NPFFR1: variants seen among roughly 807,000 people sequenced by gnomAD.
The protein encoded by NPFFR1 is G-protein coupled receptor 147.
NPFFR1 carries 17 observed loss-of-function variants against 12.7 expected under a neutral mutation model. The observed-to-expected ratio is 1.34, with a 90% CI of 0.92 to 2.01. NPFFR1 has a LOEUF of 2.01. NPFFR1 is among the 30% of genes most tolerant of loss of function. NPFFR1 has a pLI of 0.00. For synonymous variants in NPFFR1, 296 were observed against 264.5 expected (o/e 1.12, Z -1.16); for missense variants, 604 against 606.5 (o/e 1.00, Z 0.04).
At chr10:70,268,312 C>A (rs1190986788) in intron 1 of NPFFR1, among the ~76,000 whole-genome samples, 1 of 152,152 alleles carries the variant, frequency 6.6e-6, no homozygotes, top group East Asian at 1.9e-4. Context: ...TCAAACCTAA[C>A]AAAATTAACA....
intron 1 of NPFFR1, among the ~76,000 whole-genome samples, chr10:70,275,263 G>A (rs1409846949): frequency 3.3e-5 from 5 of 152,140 alleles, no homozygotes; most frequent in Admixed American, 3.3e-4. Context: ...ATCAAAAATT[G>A]TATTCAGAAA....
intron 1 of NPFFR1, among the ~76,000 whole-genome samples, chr10:70,273,048 C>T (rs1840765910): frequency 6.6e-6 from 1 of 152,160 alleles, no homozygotes; most frequent in African/African-American, 2.4e-5. Flanking sequence ...TGCATTTAAC[C>T]TTTCTAATCA....
At chr10:70,258,243 G>A (rs1210504874) in intron 3 of NPFFR1, among the ~76,000 whole-genome samples, 1 of 151,776 alleles carries the variant, frequency 6.6e-6, no homozygotes, top group East Asian at 1.9e-4. Context: ...GGCTGAGACT[G>A]CAGTGAGCCA....
At chr10:70,261,477 GA>G (rs1564594330) in intron 2 of NPFFR1, among the ~76,000 whole-genome samples, 3 of 152,014 alleles carry the variant, frequency 2.0e-5, no homozygotes, top group South Asian at 2.1e-4. Context: ...GCATTTAGTT[GA>G]AAAAAACCCT....
intron 1 of NPFFR1, 76 bp downstream of exon 1, chr10:70,283,594 T>C (rs1481828971): frequency 7.2e-7 from 1 of 1,393,148 alleles, no homozygotes; most frequent in African/African-American, 1.4e-5. Context: ...TGCCCGGCCC[T>C]CTCCTCTCCC....
rs766276183 is a variant in NPFFR1, at chr10:70,255,621, T to G, written c.629A>C (p.Lys210Thr). Residue 210 changes from lysine to threonine, a missense_variant, in exon 4 of 4, where the codon AAG becomes ACG. By Grantham distance (78) the Lys-to-Thr change is moderately conservative. Coordinates refer to ENST00000277942, the MANE Select transcript of NPFFR1 (RefSeq NM_022146.5). This position sits in a 1 kb window ranked among gnomAD's most constrained non-coding sequence, Gnocchi z 4.2. Reference sequence around the variant, plus strand: ...AGTGGTGTAGACCCTGCGCATGCCCTTCTCGGGCCAGGCCTCCCAGCAGGA... The same window carrying G: ...AGTGGTGTAGACCCTGCGCATGCCCGTCTCGGGCCAGGCCTCCCAGCAGGA... ...LYSCWEAWPE[K>T]GMRRVYTTVL... 6.4e-7 allele frequency: 1 copy of G among 1,574,152 alleles called. No individual in the cohort carries two copies. The highest frequency in any genetic ancestry group is 1.9e-5 in the Admixed American group (1 of 53,938).
rs547434922 is a variant in NPFFR1, at chr10:70,266,395, G to A, written c.8-4C>T. 1.4e-5 allele frequency: 23 copies of A among 1,607,592 alleles called. No homozygotes were observed. Among genetic ancestry groups the A allele is most frequent in the Non-Finnish European group, 2.0e-5 (23 of 1,176,598 alleles). ...TTGGGAGGCTGGGAGGGCTCCCCTA[G>A]GACCAAAGGAATATATTGGTCAGGA... On this transcript the variant is annotated splice_region_variant and splice_polypyrimidine_tract_variant and intron_variant, in intron 1 of 3. Transcript: ENST00000277942.
chr10:70,264,300 G>A (rs1840665562), intron 2 of NPFFR1, among the ~76,000 whole-genome samples: 1 of 146,702 alleles, frequency 6.8e-6, no homozygotes, highest in Non-Finnish European at 1.5e-5. Context: ...CTTCAACCTG[G>A]GAGGCGGAGG....
chr10:70,277,823 A>G (rs1187331286), intron 1 of NPFFR1: 1 of 456,136 alleles, frequency 2.2e-6, no homozygotes, highest in East Asian at 6.8e-5. Context: ...CCCACAGCAT[A>G]ACATCACAGT....
chr10:70,266,088 T>C lies in NPFFR1; in HGVS notation c.311A>G (p.Asn104Ser). ...CTGCCCGCACTCACCAGTGATGAGG[T>C]TGTCCACAAGGGTGGTGGGCATGCA... ...IFCMPTTLVD[N>S]LITGWPFDNA... Residue 104 changes from asparagine to serine, a missense_variant, in exon 2 of 4, where the codon AAC becomes AGC. Coordinates refer to ENST00000277942, the MANE Select transcript of NPFFR1 (RefSeq NM_022146.5). 1 of 1,613,686 alleles carries C rather than the reference T, an allele frequency of 6.2e-7. No individual in the cohort carries two copies. The highest frequency in any genetic ancestry group is 1.7e-5 in the Admixed American group (1 of 60,014).
intron 1 of NPFFR1, among the ~76,000 whole-genome samples, chr10:70,275,007 A>G (rs1210149627): frequency 6.6e-6 from 1 of 152,186 alleles, no homozygotes; most frequent in Non-Finnish European, 1.5e-5. Flanking sequence ...AGGCTGAACC[A>G]AAGCCCCTCC....
At chr10:70,262,231 T>C (rs1840642325) in intron 2 of NPFFR1, among the ~76,000 whole-genome samples, 1 of 152,098 alleles carries the variant, frequency 6.6e-6, no homozygotes, top group Non-Finnish European at 1.5e-5. Flanking sequence ...TTAACATCTA[T>C]CAGGATATGG....
chr10:70,277,959 C>T (rs80101869), intron 1 of NPFFR1: 1 of 519,658 alleles, frequency 1.9e-6, no homozygotes, highest in African/African-American at 1.9e-5. Context: ...CCTCAGAGAA[C>T]CCTCCAGGCC....
rs551679166 is a variant in NPFFR1, at chr10:70,274,750, A to G, written c.8-8359T>C. Among the ~76,000 whole-genome samples, 20 of 152,340 alleles carry G rather than the reference A, an allele frequency of 1.3e-4. No homozygotes were observed. In the South Asian group the frequency reaches 3.9e-3, roughly 30 times the overall value. ...TTGTTAATACATTCAGAGAGACAGC[A>G]GAGTAAATTACAAAGGGCCTTGCAG... On this transcript the variant is annotated intron_variant, in intron 1 of 3. Transcript: ENST00000277942.
In NPFFR1 at chr10:70,266,087, G is replaced by T; in HGVS notation, c.312C>A (p.Asn104Lys). The change falls in exon 2 of 4, where the codon AAC becomes AAA. Residue 104 changes from asparagine to lysine, a missense_variant. Asn to Lys is a moderately conservative substitution (Grantham distance 94). Coordinates refer to ENST00000277942, the MANE Select transcript of NPFFR1 (RefSeq NM_022146.5). ...IFCMPTTLVDNLITGWPFDNA... is the reference protein window; with the variant it reads ...IFCMPTTLVDKLITGWPFDNA... ...ACTGCCCGCACTCACCAGTGATGAG[G>T]TTGTCCACAAGGGTGGTGGGCATGC... is the stretch of plus-strand genomic sequence containing the variant. 1.9e-6 allele frequency: 3 copies of T among 1,613,804 alleles called. No individual in the cohort carries two copies. The highest frequency in any genetic ancestry group is 2.5e-6 in the Non-Finnish European group (3 of 1,179,776).
intron 3 of NPFFR1, among the ~76,000 whole-genome samples, chr10:70,258,337 G>A (rs1192134317): frequency 6.6e-6 from 1 of 151,266 alleles, no homozygotes; most frequent in Non-Finnish European, 1.5e-5. Flanking sequence ...GAAGTCTACT[G>A]TGCAACCAGA....
In NPFFR1 at chr10:70,254,939, CG is replaced by C; in HGVS notation, c.*17del. On this transcript the variant is annotated 3_prime_UTR_variant, in exon 4 of 4. Coordinates refer to ENST00000277942, the MANE Select transcript of NPFFR1 (RefSeq NM_022146.5). ...CAATCGGGGCCCTGAGGCAGCGTCC[CG>C]CCCTCCCTGGACCCCCTCAGATATC... is the stretch of plus-strand genomic sequence containing the variant. 7.1e-7 allele frequency: 1 copy of C among 1,408,560 alleles called. No homozygotes were observed. 87.3% of individuals were successfully genotyped at this position (1,408,560 alleles called of 1,614,324 possible).
chr10:70,281,911 G>A (rs1459860152), intron 1 of NPFFR1, among the ~76,000 whole-genome samples: 1 of 152,192 alleles, frequency 6.6e-6, no homozygotes, highest in African/African-American at 2.4e-5. Context: ...GTGCGTTGTT[G>A]TCTCCTAAGT....
Position 70,266,375 on chromosome 10 carries a change from A to T in NPFFR1, c.24T>A (p.Pro8=). The T allele has an allele frequency of 6.2e-7, 1 of 1,612,852 alleles. No individual in the cohort carries two copies. Among genetic ancestry groups the T allele is most frequent in the Non-Finnish European group, 8.5e-7 (1 of 1,179,344 alleles). Residue 8 remains proline, a synonymous_variant, in exon 2 of 4, where the codon CCT becomes CCA. Transcript: ENST00000277942. MEGEPSQ[P]PNSSWPLSQN... ...GACTTAGGGGCCAACTGCTGTTGGG[A>T]GGCTGGGAGGGCTCCCCTAGGACCA...
Sources: allele counts gnomAD v4.1 joint callset (sites outside exome capture counted in the v4.1 genomes callset), GRCh38; gene constraint gnomAD v4.1.1; non-coding constraint Gnocchi (gnomAD v3.1); transcripts MANE v1.5; gene names NCBI Gene and HGNC (gene_info 2026-07-23, HGNC 2026-07-21).